The following XKR6 variants were observed in gnomAD, a reference collection of about 807,000 sequenced individuals.
The protein encoded by XKR6 is XK related 6, also known as XK-related protein 6.
Under a neutral mutation model 56.7 loss-of-function variants are expected in XKR6, and 22 were observed. That is an observed-to-expected ratio of 0.39 (90% confidence interval 0.28 to 0.55). The LOEUF (loss-of-function observed/expected upper bound fraction) is 0.55. XKR6 is among the 20% of genes least tolerant of loss of function. The pLI is 0.66. For missense variants in XKR6, 852 were observed against 889.0 expected, an observed-to-expected ratio of 0.96 and a Z score of 0.53; for synonymous variants, 524 against 387.8, an observed-to-expected ratio of 1.35 and a Z score of -4.13.
rs901197471 is a variant in XKR6, at chr8:10,955,387, T to A, written c.765-30557A>T. Among the ~76,000 whole-genome samples, 9 of 151,944 alleles carry A rather than the reference T, an allele frequency of 5.9e-5. No homozygotes were observed. In the South Asian group the frequency reaches 6.2e-4, roughly 11 times the overall value. Reference sequence around the variant, plus strand: ...GTACAGACAAAGTGTCACTATGTTATCCAGGCTAGCCTTGAACTTTTGGGC... The same window carrying A: ...GTACAGACAAAGTGTCACTATGTTAACCAGGCTAGCCTTGAACTTTTGGGC... On this transcript the variant is annotated intron_variant, in intron 1 of 2. Transcript: ENST00000416569.
chr8:11,101,147 T>C (rs1338080091), intron 1 of XKR6, among the ~76,000 whole-genome samples: 6 of 152,216 alleles, frequency 3.9e-5, no homozygotes, highest in Non-Finnish European at 7.3e-5. Flanking sequence ...GCTACAGACA[T>C]CCCAATTTTT....
intron 1 of XKR6, among the ~76,000 whole-genome samples, chr8:11,015,195 C>CTT (rs35305267): frequency 7.3e-4 from 107 of 146,120 alleles, no homozygotes; most frequent in African/African-American, 2.6e-3. Context: ...GTGAGCTGCA[C>CTT]TTTTTTTTTT....
rs781073537 is a variant in XKR6, at chr8:10,898,301, A to G, written c.1577T>C (p.Val526Ala). 7 of 1,614,120 alleles carry G rather than the reference A, an allele frequency of 4.3e-6. No individual in the cohort carries two copies. The highest frequency in any genetic ancestry group is 3.3e-5 in the South Asian group (3 of 91,082). ...LLWGIPLPPDVEPMAPEIPGY... is the reference protein window; with the variant it reads ...LLWGIPLPPDAEPMAPEIPGY... ...AGGGATCTCAGGCGCCATGGGCTCA[A>G]CATCGGGGGGCAAAGGGATGCCCCA... is the stretch of plus-strand genomic sequence containing the variant. The change falls in exon 3 of 3, where the codon GTT (valine) becomes GCT (alanine). Residue 526 changes from valine to alanine, a missense_variant. This residue lies in a region of XKR6 where 197 missense variants were observed against 190.9 expected (regional missense o/e 1.03). Coordinates refer to ENST00000416569, the MANE Select transcript of XKR6 (RefSeq NM_173683.4). The surrounding 1 kb of genome is among the most constrained non-coding windows in gnomAD (Gnocchi z 6.6).
At chr8:11,195,015 A>T (rs374412124) in intron 1 of XKR6, 1 of 599,322 alleles carries the variant, frequency 1.7e-6, no homozygotes, top group Admixed American at 3.0e-5. Context: ...AAAAACAAGA[A>T]ATAAATCTTT....
chr8:11,018,546 A>G (rs1270848549), intron 1 of XKR6, among the ~76,000 whole-genome samples: 1 of 152,164 alleles, frequency 6.6e-6, no homozygotes, highest in Non-Finnish European at 1.5e-5. Flanking sequence ...AGAGCTGAAA[A>G]CTACCAAAGA....
chr8:11,080,476 A>T (rs1797678272), intron 1 of XKR6, among the ~76,000 whole-genome samples: 1 of 152,214 alleles, frequency 6.6e-6, no homozygotes, highest in Non-Finnish European at 1.5e-5. Flanking sequence ...CTATTTATCT[A>T]TTTCTTGTTC....
At chr8:11,007,593 C>G (rs1020812633) in intron 1 of XKR6, among the ~76,000 whole-genome samples, 1 of 152,182 alleles carries the variant, frequency 6.6e-6, no homozygotes, top group East Asian at 1.9e-4. Context: ...GCCTGACCCA[C>G]AGAGGAAGGC....
At chr8:11,041,966 T>C (rs57177928) in intron 1 of XKR6, among the ~76,000 whole-genome samples, 3,750 of 152,290 alleles carry the variant, frequency 0.025, 146 homozygotes, top group African/African-American at 0.085. Context: ...GTACTGTATA[T>C]ATATAAGTGT....
At chr8:10,943,488 C>T (rs1190708631) in intron 1 of XKR6, among the ~76,000 whole-genome samples, 1 of 152,142 alleles carries the variant, frequency 6.6e-6, no homozygotes, top group African/African-American at 2.4e-5. Flanking sequence ...CTAAGGGTGC[C>T]CCTCTCTGTA....
In XKR6 at chr8:10,897,802, T is replaced by C. The variant is rs1799925397; in HGVS notation, c.*150A>G. 1 of 990,424 alleles carries C rather than the reference T, an allele frequency of 1.0e-6. No homozygotes were observed. The highest frequency in any genetic ancestry group is 1.6e-5 in the African/African-American group (1 of 61,708). 61.4% of individuals were successfully genotyped at this position (990,424 alleles called of 1,614,324 possible). A position where few individuals can be genotyped will look rare whatever the true frequency, so the allele number is the denominator to read the frequency against. Reference sequence around the variant, plus strand: ...AAGGGGTTGTGACTTATTAATTCTTTTTTTTTTGTAGTGGTGGTGTTGGTG... The same window carrying C: ...AAGGGGTTGTGACTTATTAATTCTTCTTTTTTTGTAGTGGTGGTGTTGGTG... On this transcript the variant is annotated 3_prime_UTR_variant, in exon 3 of 3. Transcript: ENST00000416569.
intron 1 of XKR6, chr8:11,138,587 C>A (rs1009749247): frequency 6.6e-6 from 1 of 152,190 alleles, no homozygotes; most frequent in Non-Finnish European, 1.5e-5. Flanking sequence ...GCAAAACTGT[C>A]TCTTATTTAA....
At chr8:10,995,393 T>C (rs938732723) in intron 1 of XKR6, among the ~76,000 whole-genome samples, 6 of 147,988 alleles carry the variant, frequency 4.1e-5, no homozygotes, top group African/African-American at 1.2e-4. Flanking sequence ...ATGATATATA[T>C]AGTAGATATA....
At chr8:11,194,947 ATCCCCT>A (rs1228240980) in intron 1 of XKR6, 3 of 544,018 alleles carry the variant, frequency 5.5e-6, no homozygotes, top group Non-Finnish European at 9.7e-6. Flanking sequence ...CCATTTTTTC[ATCCCCT>A]TCCCTTGAAA....
chr8:11,024,978 CT>C (rs1468159774), intron 1 of XKR6, among the ~76,000 whole-genome samples: 2 of 152,334 alleles, frequency 1.3e-5, no homozygotes, highest in East Asian at 3.9e-4. Context: ...GCCTCAGGCC[CT>C]GTGGCTCCCA....
intron 1 of XKR6, among the ~76,000 whole-genome samples, chr8:10,973,658 C>T (rs987878356): frequency 6.6e-6 from 1 of 152,148 alleles, no homozygotes; most frequent in Non-Finnish European, 1.5e-5. Flanking sequence ...CAGCTCACTG[C>T]ACAACCTCCA....
intron 1 of XKR6, among the ~76,000 whole-genome samples, chr8:11,195,720 C>T (rs1306522375): frequency 6.6e-6 from 1 of 150,594 alleles, no homozygotes; most frequent in African/African-American, 2.5e-5. Flanking sequence ...GCGAACTTGG[C>T]TCACTGCAAG....
intron 1 of XKR6, among the ~76,000 whole-genome samples, chr8:10,963,419 C>T (rs1287285616): frequency 6.6e-6 from 1 of 152,228 alleles, no homozygotes; most frequent in Non-Finnish European, 1.5e-5. Context: ...CTAGACACGG[C>T]TTTGCTTCGA....
intron 1 of XKR6, among the ~76,000 whole-genome samples, chr8:11,151,152 C>T (rs1359699167): frequency 4.6e-5 from 7 of 152,138 alleles, no homozygotes; most frequent in African/African-American, 7.2e-5. Flanking sequence ...CTTTCTCCCC[C>T]GCAAGTGACA....
intron 1 of XKR6, among the ~76,000 whole-genome samples, chr8:11,165,573 C>A (rs1383374785): frequency 6.6e-6 from 1 of 152,152 alleles, no homozygotes; most frequent in Non-Finnish European, 1.5e-5. Context: ...TTAGCAGAAA[C>A]CATAATTATA....
Sources: allele counts gnomAD v4.1 joint callset (sites outside exome capture counted in the v4.1 genomes callset), GRCh38; gene constraint gnomAD v4.1.1; regional missense constraint gnomAD v4.1.1; non-coding constraint Gnocchi (gnomAD v3.1); transcripts MANE v1.5; gene names NCBI Gene and HGNC (gene_info 2026-07-23, HGNC 2026-07-21).